TAS2R1: variants seen among roughly 807,000 people sequenced by gnomAD.
TAS2R1 encodes the protein taste receptor type 2 member 1.
For missense variants in TAS2R1, 370 were observed against 353.4 expected (o/e 1.05, Z -0.38); for synonymous variants, 141 against 134.2 (o/e 1.05, Z -0.35).
the TAS2R1 span, among the ~76,000 whole-genome samples, chr5:9,802,560 G>A: frequency 1.3e-5 from 2 of 152,116 alleles, no homozygotes; most frequent in African/African-American, 4.8e-5. Context: ...AAAGATCTAT[G>A]GATCCAAACC....
At chr5:9,884,555 C>T in the TAS2R1 span, among the ~76,000 whole-genome samples, 1 of 150,342 alleles carries the variant, frequency 6.7e-6, no homozygotes, top group Non-Finnish European at 1.5e-5. Context: ...TTGGAGGAGA[C>T]AATCAAACCA....
chr5:9,893,085 T>C, the TAS2R1 span, among the ~76,000 whole-genome samples: 1 of 152,160 alleles, frequency 6.6e-6, no homozygotes, highest in Non-Finnish European at 1.5e-5. Flanking sequence ...GGCAGCAATA[T>C]TTTTAAGGTT....
the TAS2R1 span, among the ~76,000 whole-genome samples, chr5:9,745,614 C>T: frequency 2.0e-5 from 3 of 152,112 alleles, no homozygotes; most frequent in Non-Finnish European, 4.4e-5. Context: ...AATAACACCA[C>T]ACATCTACAA....
chr5:9,823,286 A>G, the TAS2R1 span, among the ~76,000 whole-genome samples: 3 of 152,096 alleles, frequency 2.0e-5, no homozygotes, highest in African/African-American at 4.8e-5. Context: ...TCCCATTATC[A>G]TTCCCCTAAA....
Position 9,641,741 on chromosome 5 carries a change from C to T in TAS2R1, c.-80-11749G>A, listed in dbSNP as rs145984766. The T allele has an allele frequency of 1.3e-3, 205 of 152,318 alleles. 2 individuals carry two copies. Among genetic ancestry groups the T allele is most frequent in the African/African-American group, 4.6e-3 (192 of 41,568 alleles). 9.4% of individuals were successfully genotyped at this position (152,318 alleles called of 1,614,324 possible). A position where few individuals can be genotyped will look rare whatever the true frequency, so the allele number is the denominator to read the frequency against. ...CTAAATATTTTAACACTCAACACAA[C>T]AAATACAATTTTTAAAACAATGGCA... On this transcript the variant is annotated intron_variant, in intron 2 of 2. Transcript: ENST00000506620.
chr5:9,763,613 T>C, the TAS2R1 span, among the ~76,000 whole-genome samples: 6 of 152,218 alleles, frequency 3.9e-5, no homozygotes, highest in African/African-American at 1.4e-4. Flanking sequence ...AGTTATTGTC[T>C]ACAAATGAAC....
At chr5:9,727,839 G>C in the TAS2R1 span, among the ~76,000 whole-genome samples, 3 of 152,200 alleles carry the variant, frequency 2.0e-5, no homozygotes, top group Non-Finnish European at 4.4e-5. Flanking sequence ...GTGAGGTGCA[G>C]GACTAGCTAA....
the TAS2R1 span, among the ~76,000 whole-genome samples, chr5:9,817,068 T>C: frequency 6.6e-6 from 1 of 152,214 alleles, no homozygotes; most frequent in Non-Finnish European, 1.5e-5. Flanking sequence ...TTCCAGTGTG[T>C]ATGAGTCAAA....
chr5:9,819,284 C>T, the TAS2R1 span, among the ~76,000 whole-genome samples: 1 of 152,138 alleles, frequency 6.6e-6, no homozygotes, highest in South Asian at 2.1e-4. Flanking sequence ...GCAAAGGACT[C>T]GAGGTCACCA....
the TAS2R1 span, among the ~76,000 whole-genome samples, chr5:9,778,080 C>T: frequency 1.3e-5 from 2 of 152,004 alleles, no homozygotes; most frequent in African/African-American, 2.4e-5. Context: ...CAGGGTTTCA[C>T]CTTGTTAGCC....
chr5:9,859,494 ATAAG>A, the TAS2R1 span, among the ~76,000 whole-genome samples: 1 of 152,222 alleles, frequency 6.6e-6, no homozygotes, highest in Admixed American at 6.5e-5. Flanking sequence ...TCAAATTGAT[ATAAG>A]TGCCCCAGAT....
chr5:9,697,368 G>C (rs1003185381), intron 1 of TAS2R1, among the ~76,000 whole-genome samples: 7 of 151,894 alleles, frequency 4.6e-5, no homozygotes, highest in Non-Finnish European at 1.0e-4. Context: ...GAAAGAATTA[G>C]TTCATATAAT....
At chr5:9,717,833 A>G in the TAS2R1 span, among the ~76,000 whole-genome samples, 2 of 152,222 alleles carry the variant, frequency 1.3e-5, no homozygotes, top group Non-Finnish European at 2.9e-5. Context: ...TCTACAACCT[A>G]TGTATATAGT....
the TAS2R1 span, among the ~76,000 whole-genome samples, chr5:9,781,584 C>T: frequency 5.3e-4 from 80 of 152,324 alleles, no homozygotes; most frequent in African/African-American, 1.8e-3. Context: ...GATCTGTCCC[C>T]TTTTCCTCAC....
At chr5:9,701,971 AT>A (rs1464598745) in intron 1 of TAS2R1, among the ~76,000 whole-genome samples, 3 of 152,336 alleles carry the variant, frequency 2.0e-5, no homozygotes, top group African/African-American at 7.2e-5. Context: ...CCAAAAGGTC[AT>A]TTTATGTAGA....
At chr5:9,897,241 G>A in the TAS2R1 span, among the ~76,000 whole-genome samples, 254 of 152,264 alleles carry the variant, frequency 1.7e-3, 3 homozygotes, top group African/African-American at 5.9e-3. Flanking sequence ...ACAAGGTCAG[G>A]AGTTCCAGAC....
At chr5:9,875,615 A>G in the TAS2R1 span, among the ~76,000 whole-genome samples, 1 of 152,194 alleles carries the variant, frequency 6.6e-6, no homozygotes, top group Non-Finnish European at 1.5e-5. Flanking sequence ...GATCTGGTGC[A>G]CTACTGGCCA....
the TAS2R1 span, among the ~76,000 whole-genome samples, chr5:9,858,720 C>T: frequency 0.011 from 1,600 of 152,240 alleles, 21 homozygotes; most frequent in African/African-American, 0.037. Flanking sequence ...GGGAGTCTGA[C>T]GAGGCTCTGT....
chr5:9,633,433 T>A (rs1739914881), upstream of TAS2R1, among the ~76,000 whole-genome samples: 1 of 151,368 alleles, frequency 6.6e-6, no homozygotes, highest in South Asian at 2.1e-4. Context: ...CTTTTTCATA[T>A]AATGACTTCT....
Sources: allele counts gnomAD v4.1 joint callset (sites outside exome capture counted in the v4.1 genomes callset), GRCh38; gene constraint gnomAD v4.1.1; transcripts MANE v1.5; gene names NCBI Gene and HGNC (gene_info 2026-07-23, HGNC 2026-07-21).